Variants in GPC6 observed in about 807,000 individuals in gnomAD.
GPC6 encodes glypican-6.
Under a neutral mutation model 55.2 loss-of-function variants are expected in GPC6, and 14 were observed. The ratio of observed to expected loss-of-function variants is 0.25; its 90% CI spans 0.17 to 0.40. GPC6 has a LOEUF of 0.40. GPC6 is among the 10% of genes least tolerant of loss of function. GPC6 has a pLI of 1.00. For missense variants in GPC6, 641 were observed against 708.5 expected (o/e 0.90, Z 1.08); for synonymous variants, 278 against 259.6 (o/e 1.07, Z -0.68).
intron 2 of GPC6, among the ~76,000 whole-genome samples, chr13:93,630,446 A>G (rs1003334955): frequency 6.6e-6 from 1 of 152,172 alleles, no homozygotes; most frequent in African/African-American, 2.4e-5. Context: ...GACATTGCCA[A>G]GCATACAGTA....
intron 4 of GPC6, among the ~76,000 whole-genome samples, chr13:94,180,048 CA>C (rs1888931760): frequency 6.6e-6 from 1 of 152,020 alleles, no homozygotes; most frequent in African/African-American, 2.4e-5. Context: ...GGTAGAGGCA[CA>C]GGGGGAGGAG....
intron 5 of GPC6, among the ~76,000 whole-genome samples, chr13:94,292,708 C>T (rs1447778379): frequency 6.6e-6 from 1 of 152,150 alleles, no homozygotes; most frequent in African/African-American, 2.4e-5. Context: ...CAAACTCTCA[C>T]ATCATATCTA....
intron 4 of GPC6, among the ~76,000 whole-genome samples, chr13:94,059,562 C>A (rs1012432359): frequency 2.6e-5 from 4 of 151,916 alleles, no homozygotes; most frequent in South Asian, 2.1e-4. Context: ...TCCTTAGTTT[C>A]TTAGTCTATT....
intron 1 of GPC6, among the ~76,000 whole-genome samples, chr13:93,419,771 A>G (rs1344289736): frequency 2.0e-5 from 3 of 152,106 alleles, no homozygotes; most frequent in Non-Finnish European, 4.4e-5. Flanking sequence ...TATTGTGTTT[A>G]TGAACTTGTT....
At chr13:94,332,201 T>C (rs1239979596) in intron 6 of GPC6, among the ~76,000 whole-genome samples, 1 of 152,206 alleles carries the variant, frequency 6.6e-6, no homozygotes, top group East Asian at 1.9e-4. Context: ...TCATCCTTTT[T>C]TGGCTTTGGT....
chr13:93,868,732 G>T (rs1216664833), intron 3 of GPC6, among the ~76,000 whole-genome samples: 1 of 151,806 alleles, frequency 6.6e-6, no homozygotes, highest in Non-Finnish European at 1.5e-5. Flanking sequence ...TTATTTGAGA[G>T]ACGAGCAGAC....
At chr13:93,486,332 ATGGCC>A (rs1879710900) in intron 1 of GPC6, among the ~76,000 whole-genome samples, 1 of 152,202 alleles carries the variant, frequency 6.6e-6, no homozygotes, top group Admixed American at 6.5e-5. Flanking sequence ...CCAAATGTTC[ATGGCC>A]TGCAGTGGTC....
chr13:93,531,781 C>G (rs577095437), intron 1 of GPC6, among the ~76,000 whole-genome samples: 1 of 152,092 alleles, frequency 6.6e-6, no homozygotes. Flanking sequence ...AATACATATA[C>G]GTTGTAAAAA....
chr13:93,618,169 C>T (rs1878803471), intron 2 of GPC6, among the ~76,000 whole-genome samples: 1 of 152,016 alleles, frequency 6.6e-6, no homozygotes. Context: ...AAATTTTCTT[C>T]ACCAATATTT....
chr13:93,909,345 G>A (rs983975735), intron 3 of GPC6, among the ~76,000 whole-genome samples: 7 of 151,940 alleles, frequency 4.6e-5, no homozygotes, highest in Non-Finnish European at 7.4e-5. Flanking sequence ...TATCATTTTC[G>A]TGAAATATTA....
At chr13:93,549,661 C>G in intron 2 of GPC6, among the ~76,000 whole-genome samples, 1 of 152,120 alleles carries the variant, frequency 6.6e-6, no homozygotes, top group East Asian at 1.9e-4. Context: ...GTGGTCAACA[C>G]CGCCTATCCC....
intron 4 of GPC6, among the ~76,000 whole-genome samples, chr13:94,250,630 C>A (rs1891319878): frequency 6.6e-6 from 1 of 152,070 alleles, no homozygotes; most frequent in Non-Finnish European, 1.5e-5. Flanking sequence ...AACAAAACTA[C>A]CAGTTTCCTG....
intron 7 of GPC6, among the ~76,000 whole-genome samples, chr13:94,386,308 A>C (rs1404284829): frequency 2.0e-5 from 3 of 151,628 alleles, no homozygotes; most frequent in Non-Finnish European, 4.4e-5. Context: ...TGCAGTGAGC[A>C]GAGATCACAC....
chr13:94,043,268 C>G (rs1266477891), intron 4 of GPC6, among the ~76,000 whole-genome samples: 1 of 151,766 alleles, frequency 6.6e-6, no homozygotes, highest in South Asian at 2.1e-4. Context: ...AGGGTCATTG[C>G]TATGAAGCCC....
chr13:93,377,940 G>A (rs1156525930), intron 1 of GPC6, among the ~76,000 whole-genome samples: 2 of 152,058 alleles, frequency 1.3e-5, no homozygotes, highest in African/African-American at 2.4e-5. Flanking sequence ...CAAGTAAATC[G>A]GTTGTATTTT....
Position 93,490,670 on chromosome 13 carries a change from TC to T in GPC6, c.161-54587del, listed in dbSNP as rs1343068769. On this transcript the variant is annotated intron_variant, in intron 1 of 8. Coordinates refer to ENST00000377047, the MANE Select transcript of GPC6 (RefSeq NM_005708.5). ...ATCTCCCAGTGCTATCCCTCCCCCCTCCCCCCACCCCACCACAGTCCCCAGA... is the reference window on the plus strand; with the variant it reads ...ATCTCCCAGTGCTATCCCTCCCCCCTCCCCCACCCCACCACAGTCCCCAGA... Among the ~76,000 whole-genome samples, 107 of 61,576 alleles carry T rather than the reference TC, an allele frequency of 1.7e-3. 1 individual carries two copies. The highest frequency in any genetic ancestry group is 6.5e-3 in the African/African-American group (107 of 16,390). 40.4% of individuals were successfully genotyped at this position (61,576 alleles called of 152,430 possible).
chr13:94,201,234 A>C (rs1889737283), intron 4 of GPC6, among the ~76,000 whole-genome samples: 1 of 152,172 alleles, frequency 6.6e-6, no homozygotes, highest in African/African-American at 2.4e-5. Flanking sequence ...ACAGTGATGC[A>C]TTAGGCAATA....
intron 1 of GPC6, among the ~76,000 whole-genome samples, chr13:93,456,829 ACT>A (rs1394782818): frequency 2.0e-5 from 3 of 151,028 alleles, no homozygotes; most frequent in Non-Finnish European, 4.4e-5. Context: ...CCATCATCCT[ACT>A]CTCTGCCTTT....
At chr13:94,211,967 C>T (rs1890092258) in intron 4 of GPC6, among the ~76,000 whole-genome samples, 7 of 152,126 alleles carry the variant, frequency 4.6e-5, no homozygotes, top group South Asian at 2.1e-4. Flanking sequence ...GGCTAATTAA[C>T]GATGTCTTGA....
Sources: gnomAD v4.1 joint callset for allele counts (sites outside exome capture counted in the v4.1 genomes callset) on GRCh38, gnomAD v4.1.1 for gene constraint, MANE v1.5 for transcripts, NCBI Gene and HGNC (gene_info 2026-07-23, HGNC 2026-07-21) for gene names.